CHN1: variants seen among roughly 807,000 people sequenced by gnomAD.
The protein encoded by CHN1 is N-chimaerin.
CHN1 carries 37 observed loss-of-function variants against 59.5 expected under a neutral mutation model. The observed-to-expected ratio is 0.62, with a 90% CI of 0.48 to 0.82. The LOEUF (loss-of-function observed/expected upper bound fraction) is 0.82, where lower values mean the gene tolerates loss of function less well. Ranked by LOEUF, CHN1 falls within the 40% of genes least tolerant of loss-of-function variation. CHN1 has a pLI of 0.00. For missense variants in CHN1, 469 were observed against 571.0 expected (o/e 0.82, Z 1.82); for synonymous variants, 206 against 200.4 (o/e 1.03, Z -0.24).
At chr2:174,925,209 G>A (rs1689135264) in intron 3 of CHN1, among the ~76,000 whole-genome samples, 1 of 152,122 alleles carries the variant, frequency 6.6e-6, no homozygotes, top group African/African-American at 2.4e-5. Context: ...GGTTGGACAA[G>A]CCTCCTCATA....
chr2:174,871,028 T>C (rs1023486013), intron 6 of CHN1, among the ~76,000 whole-genome samples: 1 of 152,066 alleles, frequency 6.6e-6, no homozygotes, highest in African/African-American at 2.4e-5. Flanking sequence ...ATCTTTTCTG[T>C]GGGTGATAAG....
chr2:174,878,274 T>G, intron 5 of CHN1, 146 bp from the exon 6 acceptor site: 2 of 675,860 alleles, frequency 3.0e-6, no homozygotes, highest in Non-Finnish European at 4.6e-6. Context: ...TCTCTCTGAA[T>G]CGTCTGGAAT....
intron 1 of CHN1, 52 bp downstream of exon 1, chr2:175,004,828 GGCCCCCGCCCCCGA>G (rs1692009187): frequency 8.7e-7 from 1 of 1,146,460 alleles, no homozygotes; most frequent in Admixed American, 3.3e-5. Context: ...AGGCCCCCCA[GGCCCCCGCCCCCGA>G]GCCCCGGGAC....
At chr2:174,877,489 G>C (rs1478588697) in intron 6 of CHN1, among the ~76,000 whole-genome samples, 1 of 152,032 alleles carries the variant, frequency 6.6e-6, no homozygotes, top group Admixed American at 6.6e-5. Flanking sequence ...GAGAGATAAT[G>C]CAACCCCCTC....
intron 6 of CHN1, among the ~76,000 whole-genome samples, chr2:174,863,753 T>C (rs557803699): frequency 9.2e-5 from 14 of 152,136 alleles, no homozygotes; most frequent in Admixed American, 2.0e-4. Context: ...ACATGTGATA[T>C]AGATGTGTAG....
Position 174,994,496 on chromosome 2 carries a change from GA to G in CHN1, c.19+10397del, listed in dbSNP as rs547731343. Among the ~76,000 whole-genome samples, 24 of 152,060 alleles carry G rather than the reference GA, an allele frequency of 1.6e-4. 1 individual carries two copies. Among genetic ancestry groups the G allele is most frequent in the Non-Finnish European group, 2.2e-4 (15 of 67,914 alleles). On this transcript the variant is annotated intron_variant, in intron 1 of 12. Coordinates refer to ENST00000409900, the MANE Select transcript of CHN1 (RefSeq NM_001822.7). ...CTGTGGCGGTTGTTAAATATACAAA[GA>G]AAAAAACCTATAGCTTTCCCATTAG... is the stretch of plus-strand genomic sequence containing the variant.
chr2:174,971,346 G>C lies in CHN1; in HGVS notation c.20-19144C>G, dbSNP rs116775420. Among the ~76,000 whole-genome samples the C allele has an allele frequency of 3.7e-3, 570 of 152,288 alleles. 4 individuals are homozygous for C. Among genetic ancestry groups the C allele is most frequent in the African/African-American group, 0.013 (546 of 41,562 alleles). ...AAAAAAAAGTCATTTTTCATAAAATGTGTTATTTATGTTAACATGTAAGGA... is the reference window on the plus strand; with the variant it reads ...AAAAAAAAGTCATTTTTCATAAAATCTGTTATTTATGTTAACATGTAAGGA... On this transcript the variant is annotated intron_variant, in intron 1 of 12. Transcript: ENST00000409900.
At chr2:174,842,308 C>T (rs1384657346) in intron 7 of CHN1, among the ~76,000 whole-genome samples, 2 of 152,180 alleles carry the variant, frequency 1.3e-5, no homozygotes, top group African/African-American at 4.8e-5. Flanking sequence ...CTGAATACGA[C>T]ATTTCACTGC....
chr2:174,904,513 C>G (rs993877720), intron 5 of CHN1, among the ~76,000 whole-genome samples: 18 of 151,916 alleles, frequency 1.2e-4, no homozygotes, highest in African/African-American at 4.3e-4. Context: ...CTCAGCCTCC[C>G]AAGTAGCTGG....
At chr2:174,913,183 G>A (rs1381035600) in intron 5 of CHN1, among the ~76,000 whole-genome samples, 1 of 152,308 alleles carries the variant, frequency 6.6e-6, no homozygotes, top group Non-Finnish European at 1.5e-5. Context: ...CTTGAATTTT[G>A]TAGTTAGGAA....
intron 7 of CHN1, among the ~76,000 whole-genome samples, chr2:174,842,857 T>C (rs1686360955): frequency 6.6e-6 from 1 of 152,240 alleles, no homozygotes; most frequent in Non-Finnish European, 1.5e-5. Context: ...CAGGATTCAC[T>C]GTTTGCCTGT....
At chr2:174,875,145 G>C (rs1558962222) in intron 6 of CHN1, among the ~76,000 whole-genome samples, 1 of 152,040 alleles carries the variant, frequency 6.6e-6, no homozygotes, top group African/African-American at 2.4e-5. Flanking sequence ...AATGTGCTGG[G>C]ATTACAGGCG....
chr2:174,843,413 A>T (rs1297868185), intron 7 of CHN1, among the ~76,000 whole-genome samples: 2 of 151,852 alleles, frequency 1.3e-5, no homozygotes, highest in Non-Finnish European at 2.9e-5. Flanking sequence ...CTAATTTTGT[A>T]TTTTTAGTAG....
chr2:174,993,514 T>C (rs916212722), intron 1 of CHN1, among the ~76,000 whole-genome samples: 9 of 151,420 alleles, frequency 5.9e-5, no homozygotes, highest in African/African-American at 9.7e-5. Flanking sequence ...AACAGACATG[T>C]AGAAAGTGGA....
At position 174,915,050 on chromosome 2, in the gene CHN1, T is replaced by G; in HGVS notation, c.260+8A>C. 6.3e-7 allele frequency: 1 copy of G among 1,589,364 alleles called. No individual in the cohort carries two copies. Among genetic ancestry groups the G allele is most frequent in the Non-Finnish European group, 8.6e-7 (1 of 1,161,692 alleles). On this transcript the variant is annotated splice_region_variant and intron_variant, in intron 5 of 12. Coordinates refer to ENST00000409900, the MANE Select transcript of CHN1 (RefSeq NM_001822.7). ...AAGCACAGTAGTAATTGCAGGCCCATGACCAACCTTAAAGCCAAAGTGTAG... is the reference window on the plus strand; with the variant it reads ...AAGCACAGTAGTAATTGCAGGCCCAGGACCAACCTTAAAGCCAAAGTGTAG...
intron 2 of CHN1, 50 bp from the exon 3 acceptor site, chr2:174,944,993 A>T (rs1153728): frequency 7.6e-7 from 1 of 1,308,836 alleles, no homozygotes; most frequent in African/African-American, 1.5e-5. Flanking sequence ...CATAGAACTT[A>T]TCAATATATT....
intron 3 of CHN1, among the ~76,000 whole-genome samples, chr2:174,924,975 T>A (rs1689128905): frequency 6.6e-6 from 1 of 152,236 alleles, no homozygotes; most frequent in African/African-American, 2.4e-5. Context: ...TATTTAGTAG[T>A]TAACATTTTT....
intron 1 of CHN1, among the ~76,000 whole-genome samples, chr2:174,999,166 A>AT (rs1691805693): frequency 6.6e-6 from 1 of 152,110 alleles, no homozygotes; most frequent in South Asian, 2.1e-4. Context: ...GATTATATTA[A>AT]TTAAAAAAAA....
intron 1 of CHN1, among the ~76,000 whole-genome samples, chr2:174,975,338 A>T (rs1231269400): frequency 1.3e-5 from 2 of 152,202 alleles, no homozygotes; most frequent in African/African-American, 2.4e-5. Flanking sequence ...TTGAAAGAAT[A>T]GTACAAGAAA....
Sources: allele counts gnomAD v4.1 joint callset (sites outside exome capture counted in the v4.1 genomes callset), GRCh38; gene constraint gnomAD v4.1.1; transcripts MANE v1.5; gene names NCBI Gene and HGNC (gene_info 2026-07-23, HGNC 2026-07-21).